Variants in ARHGAP10 observed in about 807,000 individuals in gnomAD.
The protein encoded by ARHGAP10 is Rho GTPase activating protein 10.
A neutral mutation model predicts 108.6 loss-of-function variants in ARHGAP10; 87 were observed. The observed-to-expected ratio is 0.80, with a 90% confidence interval of 0.67 to 0.96. The LOEUF is 0.96. Among genes scored for constraint, ARHGAP10 ranks in the 40% least tolerant of loss-of-function variants. The pLI is 0.00. For synonymous variants in ARHGAP10, 347 were observed against 341.1 expected (o/e 1.02, Z -0.19); for missense variants, 939 against 954.5 (o/e 0.98, Z 0.21).
intron 1 of ARHGAP10, among the ~76,000 whole-genome samples, chr4:147,768,934 C>T (rs560637419): frequency 6.6e-6 from 1 of 152,058 alleles, no homozygotes; most frequent in Non-Finnish European, 1.5e-5. Context: ...GACAGGGTTT[C>T]ACCATGTTGG....
chr4:148,034,677 T>C (rs1323231785), intron 19 of ARHGAP10, among the ~76,000 whole-genome samples: 1 of 151,996 alleles, frequency 6.6e-6, no homozygotes, highest in East Asian at 1.9e-4. Context: ...ATGAGAGGAA[T>C]AGGGGAGGAC....
chr4:147,762,469 G>C (rs1169883225), intron 1 of ARHGAP10, among the ~76,000 whole-genome samples: 1 of 151,626 alleles, frequency 6.6e-6, no homozygotes, highest in African/African-American at 2.4e-5. Flanking sequence ...AGTTGATTGG[G>C]TAGGTGAACT....
intron 1 of ARHGAP10, among the ~76,000 whole-genome samples, chr4:147,786,621 A>G (rs1730904224): frequency 6.6e-6 from 1 of 152,232 alleles, no homozygotes; most frequent in African/African-American, 2.4e-5. Flanking sequence ...ATAATGGAGG[A>G]TAAATGGTAA....
At chr4:147,912,642 A>T (rs1284300849) in intron 12 of ARHGAP10, among the ~76,000 whole-genome samples, 1 of 123,248 alleles carries the variant, frequency 8.1e-6, no homozygotes, top group African/African-American at 3.2e-5. Flanking sequence ...ACATAGCCTT[A>T]AGCTTTTTTT....
chr4:147,826,471 C>T (rs1732711147), intron 3 of ARHGAP10, among the ~76,000 whole-genome samples: 1 of 152,142 alleles, frequency 6.6e-6, no homozygotes, highest in East Asian at 1.9e-4. Flanking sequence ...ATTGTGGGAA[C>T]AGAAACACCT....
In ARHGAP10 at chr4:148,064,518, G is replaced by C; in HGVS notation, c.2272+11G>C. The C allele has an allele frequency of 6.2e-7, 1 of 1,611,196 alleles. No individual in the cohort carries two copies. The highest frequency in any genetic ancestry group is 8.5e-7 in the Non-Finnish European group (1 of 1,177,370). On this transcript the variant is annotated intron_variant, in intron 22 of 22. Transcript: ENST00000336498. ...CAATTTTTGAGGATGGTAAGTGTTA[G>C]TGGGAGCTTCGTCTGTTAATCCTGT... is the stretch of plus-strand genomic sequence containing the variant.
chr4:147,834,088 G>T (rs1382510694), intron 3 of ARHGAP10, among the ~76,000 whole-genome samples: 1 of 152,212 alleles, frequency 6.6e-6, no homozygotes, highest in Non-Finnish European at 1.5e-5. Flanking sequence ...TATGGAGGCT[G>T]AGAAGTCCAA....
At chr4:147,870,822 A>G (rs1039599160) in intron 7 of ARHGAP10, among the ~76,000 whole-genome samples, 1 of 152,196 alleles carries the variant, frequency 6.6e-6, no homozygotes, top group Non-Finnish European at 1.5e-5. Context: ...TAGGATTTGT[A>G]AAGAGTCCCT....
intron 7 of ARHGAP10, among the ~76,000 whole-genome samples, chr4:147,870,478 T>A (rs530085170): frequency 5.9e-4 from 90 of 152,090 alleles, no homozygotes; most frequent in Non-Finnish European, 1.0e-3. Context: ...AACTTTATAA[T>A]CAGAAAAAGG....
At chr4:147,883,981 C>T (rs1045307463) in intron 10 of ARHGAP10, among the ~76,000 whole-genome samples, 1 of 152,204 alleles carries the variant, frequency 6.6e-6, no homozygotes, top group Non-Finnish European at 1.5e-5. Context: ...AGGCAAGAGC[C>T]ACTGTGCCTA....
At chr4:147,932,211 G>C (rs1354155172) in intron 13 of ARHGAP10, among the ~76,000 whole-genome samples, 2 of 152,190 alleles carry the variant, frequency 1.3e-5, no homozygotes, top group African/African-American at 4.8e-5. Context: ...ATCGGTGGGA[G>C]TGTGAATTAG....
chr4:148,023,904 C>T (rs1741668651), intron 19 of ARHGAP10, among the ~76,000 whole-genome samples: 1 of 152,240 alleles, frequency 6.6e-6, no homozygotes, highest in African/African-American at 2.4e-5. Flanking sequence ...GCAGGTTGAC[C>T]TGCCTACCTG....
chr4:147,820,864 G>A (rs1732465804), intron 1 of ARHGAP10, among the ~76,000 whole-genome samples: 1 of 152,044 alleles, frequency 6.6e-6, no homozygotes, highest in Non-Finnish European at 1.5e-5. Context: ...GTGCTGGGAT[G>A]ACAGGCGTGA....
chr4:147,783,569 T>G (rs1275999114), intron 1 of ARHGAP10, among the ~76,000 whole-genome samples: 1 of 147,998 alleles, frequency 6.8e-6, no homozygotes, highest in Non-Finnish European at 1.5e-5. Context: ...CATTAAATTG[T>G]GTATTGTATA....
chr4:147,732,537 T>G (rs1317657284), intron 1 of ARHGAP10, 82 bp downstream of exon 1: 1 of 1,564,268 alleles, frequency 6.4e-7, no homozygotes, highest in Non-Finnish European at 8.7e-7. Context: ...ACGGAGGGTC[T>G]TGTGTCCGGG....
intron 1 of ARHGAP10, among the ~76,000 whole-genome samples, chr4:147,818,149 TTTC>T (rs926685990): frequency 3.3e-5 from 5 of 151,744 alleles, no homozygotes; most frequent in East Asian, 1.9e-4. Flanking sequence ...CCTATTTTTT[TTTC>T]TTCTTCTTTT....
intron 12 of ARHGAP10, among the ~76,000 whole-genome samples, chr4:147,912,622 A>G (rs1357120385): frequency 7.1e-6 from 1 of 141,508 alleles, no homozygotes; most frequent in African/African-American, 2.7e-5. Context: ...ATATTATTTA[A>G]ATAGGAAATA....
chr4:147,822,864 G>T (rs763617580), intron 2 of ARHGAP10, 32 bp from the exon 3 acceptor site: 1 of 1,613,690 alleles, frequency 6.2e-7, no homozygotes, highest in African/African-American at 1.3e-5. Context: ...CTTTGCCATG[G>T]CCACCAAATA....
intron 9 of ARHGAP10, among the ~76,000 whole-genome samples, chr4:147,879,947 A>AGAAGAGT (rs1165402995): frequency 6.6e-6 from 1 of 152,224 alleles, no homozygotes; most frequent in African/African-American, 2.4e-5. Flanking sequence ...CTGAAAACAA[A>AGAAGAGT]GAAGAGTGAT....
Sources: allele counts gnomAD v4.1 joint callset (sites outside exome capture counted in the v4.1 genomes callset), GRCh38; gene constraint gnomAD v4.1.1; transcripts MANE v1.5; gene names NCBI Gene and HGNC (gene_info 2026-07-23, HGNC 2026-07-21).